The following KIF20B variants were observed in gnomAD, a reference collection of about 807,000 sequenced individuals.
The protein encoded by KIF20B is kinesin family member 20B.
Under a neutral mutation model 232.5 loss-of-function variants are expected in KIF20B, and 188 were observed. The ratio of observed to expected loss-of-function variants is 0.81; its 90% CI spans 0.72 to 0.91. The LOEUF is 0.91. KIF20B is among the 40% of genes least tolerant of loss of function. The pLI is 0.00. For synonymous variants in KIF20B, 712 were observed against 683.0 expected, an observed-to-expected ratio of 1.04 and a Z score of -0.66; for missense variants, 2,154 against 2,055.9, an observed-to-expected ratio of 1.05 and a Z score of -0.92.
At chr10:89,771,232 A>G (rs1285922267) in intron 31 of KIF20B, among the ~76,000 whole-genome samples, 2 of 151,812 alleles carry the variant, frequency 1.3e-5, no homozygotes, top group Non-Finnish European at 2.9e-5. Flanking sequence ...ATTCAATCCT[A>G]TTTTTTGTCT....
At chr10:89,728,028 GT>G (rs752289730) in intron 17 of KIF20B, 132 bp downstream of exon 17, 6 of 660,782 alleles carry the variant, frequency 9.1e-6, no homozygotes, top group Non-Finnish European at 1.3e-5. Context: ...TGGGGGATTG[GT>G]TTTATTCTGT....
chr10:89,738,170 A>G lies in KIF20B; in HGVS notation c.3329A>G (p.Gln1110Arg), dbSNP rs779646473. The change falls in exon 20 of 33, where the codon CAA (glutamine) becomes CGA (arginine). Residue 1110 changes from glutamine to arginine, a missense_variant. Gln to Arg is a conservative substitution (Grantham distance 43). Coordinates refer to ENST00000371728, the MANE Select transcript of KIF20B (RefSeq NM_001284259.2). ...NRLKEKEHKN[Q>R]DDLLKEKETL... The stretch of plus-strand genomic sequence containing the variant: ...CTAAAGGAGAAGGAGCATAAAAACC[A>G]AGATGACCTACTAAAAGAAAAAGAA... 4 of 1,608,324 alleles carry G rather than the reference A, an allele frequency of 2.5e-6. No individual in the cohort carries two copies. The highest frequency in any genetic ancestry group is 3.4e-5 in the Admixed American group (2 of 59,682).
intron 5 of KIF20B, 132 bp downstream of exon 5, chr10:89,710,197 ATAT>A (rs1483258061): frequency 4.3e-6 from 3 of 702,204 alleles, no homozygotes; most frequent in African/African-American, 1.9e-5. Context: ...TAGTACTAGC[ATAT>A]TATTACGTAT....
At chr10:89,764,364 C>T (rs1842309477) in intron 29 of KIF20B, among the ~76,000 whole-genome samples, 1 of 152,052 alleles carries the variant, frequency 6.6e-6, no homozygotes, top group African/African-American at 2.4e-5. Flanking sequence ...CATATGTGTG[C>T]ATGTGTCTTT....
At chr10:89,708,693 C>T (rs1286766317) in intron 2 of KIF20B, among the ~76,000 whole-genome samples, 1 of 151,916 alleles carries the variant, frequency 6.6e-6, no homozygotes, top group East Asian at 1.9e-4. Context: ...TTCCTTTTTA[C>T]TTTTTTAAAA....
rs777312246 is a variant in KIF20B, at chr10:89,725,148, T to C, written c.1991T>C (p.Val664Ala). The C allele has an allele frequency of 2.9e-5, 47 of 1,613,842 alleles. No homozygotes were observed. The highest frequency in any genetic ancestry group is 3.6e-5 in the Non-Finnish European group (43 of 1,179,934). The change falls in exon 15 of 33, where the codon GTT (valine) becomes GCT (alanine). Residue 664 changes from valine (V) to alanine (A), a missense_variant. Coordinates refer to ENST00000371728, the MANE Select transcript of KIF20B (RefSeq NM_001284259.2). ...EAAKDICATKVETEETHNYVG... is the reference protein window; with the variant it reads ...EAAKDICATKAETEETHNYVG... The stretch of plus-strand genomic sequence containing the variant: ...GCGAAAGACATTTGTGCCACAAAAG[T>C]TGAAACTGAAGTATGTTAATTGAAG...
In KIF20B at chr10:89,774,119, T is replaced by G; in HGVS notation, c.*71T>G. On this transcript the variant is annotated 3_prime_UTR_variant, in exon 33 of 33. Coordinates refer to ENST00000371728, the MANE Select transcript of KIF20B (RefSeq NM_001284259.2). ...TGGAACTTGCATCCTGTATTGTAAA[T>G]ATAAATGTATATATTATGCATTAAA... is the stretch of plus-strand genomic sequence containing the variant. 1.2e-6 allele frequency: 1 copy of G among 864,422 alleles called. No homozygotes were observed. Among genetic ancestry groups the G allele is most frequent in the Non-Finnish European group, 1.8e-6 (1 of 555,082 alleles). 53.5% of individuals were successfully genotyped at this position (864,422 alleles called of 1,614,324 possible). A position where few individuals can be genotyped will look rare whatever the true frequency, so the allele number is the denominator to read the frequency against.
intron 13 of KIF20B, 26 bp downstream of exon 13, chr10:89,719,732 A>C: frequency 1.3e-6 from 2 of 1,521,450 alleles, no homozygotes; most frequent in Non-Finnish European, 1.8e-6. Context: ...TCATACTTCT[A>C]TGCTTGTCTT....
intron 19 of KIF20B, among the ~76,000 whole-genome samples, chr10:89,735,047 C>A (rs1032053813): frequency 6.6e-6 from 1 of 152,098 alleles, no homozygotes. Context: ...ATAATTCCTC[C>A]CAATAAAACT....
chr10:89,703,540 G>GGA (rs1296726945), intron 1 of KIF20B, among the ~76,000 whole-genome samples: 2 of 152,148 alleles, frequency 1.3e-5, no homozygotes, highest in Non-Finnish European at 2.9e-5. Flanking sequence ...GTTGCACAGT[G>GGA]GAGAGTCTCC....
chr10:89,729,330 G>A (rs1843268584), intron 18 of KIF20B, 83 bp downstream of exon 18: 1 of 1,242,314 alleles, frequency 8.0e-7, no homozygotes, highest in Middle Eastern at 2.1e-4. Context: ...AATAGCTTAT[G>A]CAACTAAGAC....
intron 21 of KIF20B, among the ~76,000 whole-genome samples, chr10:89,742,163 C>T (rs1841811501): frequency 6.6e-6 from 1 of 152,164 alleles, no homozygotes; most frequent in Non-Finnish European, 1.5e-5. Context: ...TTTGCTGGTG[C>T]ACCTCACTGC....
At chr10:89,710,195 G>C in intron 5 of KIF20B, 130 bp downstream of exon 5, 1 of 725,798 alleles carries the variant, frequency 1.4e-6, no homozygotes, top group South Asian at 2.4e-5. Context: ...AATAGTACTA[G>C]CATATTATTA....
intron 31 of KIF20B, 27 bp downstream of exon 31, chr10:89,768,915 T>A: frequency 1.9e-6 from 3 of 1,544,426 alleles, no homozygotes; most frequent in Non-Finnish European, 2.6e-6. Flanking sequence ...TTAAATGACC[T>A]TTTTTTGTTA....
Position 89,774,556 on chromosome 10 carries a change from G to A in KIF20B, c.*508G>A, listed in dbSNP as rs1842530461. Reference sequence around the variant, plus strand: ...CACTTATTTTGTAAACATTTTGTGGGTACATAGTACATGTATATATTTACG... The same window carrying A: ...CACTTATTTTGTAAACATTTTGTGGATACATAGTACATGTATATATTTACG... On this transcript the variant is annotated 3_prime_UTR_variant, in exon 33 of 33. Transcript: ENST00000371728. 6.6e-6 allele frequency: 1 copy of A among 151,888 alleles called. No homozygotes were observed. Among genetic ancestry groups the A allele is most frequent in the Admixed American group, 6.6e-5 (1 of 15,234 alleles). The allele number at this position is 151,888 out of a possible 1,614,324, so 9.4% of individuals were successfully genotyped here.
At position 89,709,982 on chromosome 10, in the gene KIF20B, C is replaced by T; in HGVS notation, c.407C>T (p.Pro136Leu). Residue 136 changes from proline (P) to leucine (L), a missense_variant, in exon 5 of 33, where the codon CCA becomes CTA. Physicochemically the swap from Pro to Leu is moderately conservative, Grantham distance 98 (BLOSUM62 -3). Coordinates refer to ENST00000371728, the MANE Select transcript of KIF20B (RefSeq NM_001284259.2). ...TTCTTTCAGGGTTGCATTATGCAAC[C>T]AGTAAAAGACCTCTTGAAAGGACAG... ...KEFFQGCIMQ[P>L]VKDLLKGQSR... 6.2e-7 allele frequency: 1 copy of T among 1,611,292 alleles called. No homozygotes were observed. The highest frequency in any genetic ancestry group is 2.2e-5 in the East Asian group (1 of 44,796).
chr10:89,746,135 G>T (rs1841904924), intron 23 of KIF20B, among the ~76,000 whole-genome samples, 176 bp downstream of exon 23: 1 of 152,226 alleles, frequency 6.6e-6, no homozygotes, highest in Non-Finnish European at 1.5e-5. Context: ...ATCTGGGGTT[G>T]AGTGTTTACA....
intron 23 of KIF20B, among the ~76,000 whole-genome samples, chr10:89,747,664 C>A (rs1255811278): frequency 6.6e-6 from 1 of 151,378 alleles, no homozygotes; most frequent in African/African-American, 2.4e-5. Context: ...CATGTTCTCA[C>A]TCGTAGGTGG....
Position 89,733,158 on chromosome 10 carries a change from A to C in KIF20B, c.2545+102A>C, listed in dbSNP as rs757047304. 9.1e-6 allele frequency: 11 copies of C among 1,210,092 alleles called. No homozygotes were observed. The Admixed American group carries it at 1.3e-4, about 15-fold the overall frequency. 75.0% of individuals were successfully genotyped at this position (1,210,092 alleles called of 1,614,324 possible). A position where few individuals can be genotyped will look rare whatever the true frequency, so the allele number is the denominator to read the frequency against. The stretch of plus-strand genomic sequence containing the variant: ...GGGGCATTCACTTGTCTAAGGAAAA[A>C]TCTTGAGAAAATCTAAACGTCTTGA... On this transcript the variant is annotated intron_variant, in intron 19 of 32. Transcript: ENST00000371728.
Sources: gnomAD v4.1 joint callset for allele counts (sites outside exome capture counted in the v4.1 genomes callset) on GRCh38, gnomAD v4.1.1 for gene constraint, MANE v1.5 for transcripts, NCBI Gene and HGNC (gene_info 2026-07-23, HGNC 2026-07-21) for gene names.